MPO: variants seen among roughly 807,000 people sequenced by gnomAD.
The protein encoded by MPO is myeloperoxidase.
A neutral mutation model predicts 69.4 loss-of-function variants in MPO; 57 were observed. The observed-to-expected ratio is 0.82, with a 90% CI of 0.66 to 1.02. The LOEUF is 1.02. Ranked by LOEUF, MPO falls within the 50% of genes least tolerant of loss-of-function variation. The pLI is 0.00. For missense variants in MPO, 971 were observed against 1,014.1 expected, an observed-to-expected ratio of 0.96 and a Z score of 0.58; for synonymous variants, 426 against 417.1, an observed-to-expected ratio of 1.02 and a Z score of -0.26.
chr17:58,279,109 C>T lies in MPO; in HGVS notation c.784G>A (p.Asp262Asn). 6.2e-7 allele frequency: 1 copy of T among 1,612,964 alleles called. No homozygotes were observed. The highest frequency in any genetic ancestry group is 8.5e-7 in the Non-Finnish European group (1 of 1,179,556). Reference protein sequence around the residue: ...FMQWGQLLDHDLDFTPEPAAR... With the variant: ...FMQWGQLLDHNLDFTPEPAAR... ...GCCGGCTCAGGGGTGAAGTCGAGGT[C>T]GTGGTCCAACAGCTGGCCCCATTGC... The change falls in exon 6 of 12, where the codon GAC becomes AAC. Residue 262 changes from aspartate (D) to asparagine (N), a missense_variant. Physicochemically the swap from Asp to Asn is conservative, Grantham distance 23. Coordinates refer to ENST00000225275, the MANE Select transcript of MPO (RefSeq NM_000250.2).
At position 58,278,092 on chromosome 17, in the gene MPO, G is replaced by A. The variant is rs755430327; in HGVS notation, c.939C>T (p.Phe313=). ...IKNQADCIPF[F]RSCPACPGSN... is the part of the protein sequence containing the mutation. ...TCCCGGGGCAAGCCGGGCAGGAGCG[G>A]AAGAACGGGATGCAGTCGGCTTGGT... is the stretch of plus-strand genomic sequence containing the variant. Residue 313 remains phenylalanine, a synonymous_variant, in exon 7 of 12, where the codon TTC becomes TTT. Transcript: ENST00000225275. 3.1e-6 allele frequency: 5 copies of A among 1,608,962 alleles called. No homozygotes were observed. Among genetic ancestry groups the A allele is most frequent in the Admixed American group, 1.7e-5 (1 of 60,026 alleles).
Position 58,279,575 on chromosome 17 carries a change from T to A in MPO, c.496A>T (p.Thr166Ser), listed in dbSNP as rs1171273535. 9.3e-6 allele frequency: 15 copies of A among 1,614,140 alleles called. No homozygotes were observed. The highest frequency in any genetic ancestry group is 1.3e-5 in the Non-Finnish European group (15 of 1,180,042). The change falls in exon 4 of 12, where the codon ACT becomes TCT. Residue 166 changes from threonine (T) to serine (S), a missense_variant. Coordinates refer to ENST00000225275, the MANE Select transcript of MPO (RefSeq NM_000250.2). ...CGGTATTTGTCCTGCTCCGGGCAAG[T>A]CACCCCCACGTCCTGGTAGGCGCAG... ...SGCAYQDVGV[T>S]CPEQDKYRTI...
In MPO at chr17:58,278,813, G is replaced by C. The variant is rs1970472797; in HGVS notation, c.885+195C>G. 4.0e-5 allele frequency: 28 copies of C among 693,784 alleles called. 1 individual carries two copies. The South Asian group carries it at 4.9e-4, about 12-fold the overall frequency. The allele number at this position is 693,784 out of a possible 1,614,324, so 43.0% of individuals were successfully genotyped here. ...GGCAGTGAGCAAATGGACGGCCCTG[G>C]CTGCCAGCTGGCTGAGCCCAGGCGC... On this transcript the variant is annotated intron_variant, in intron 6 of 11. Coordinates refer to ENST00000225275, the MANE Select transcript of MPO (RefSeq NM_000250.2).
intron 6 of MPO, 195 bp downstream of exon 6, chr17:58,278,813 G>A (rs1970472797): frequency 4.3e-6 from 3 of 693,902 alleles, no homozygotes; most frequent in Non-Finnish European, 7.4e-6. Flanking sequence ...GACGGCCCTG[G>A]CTGCCAGCTG....
chr17:58,273,389 C>A (rs746472342), intron 9 of MPO, 25 bp downstream of exon 9: 23 of 1,613,950 alleles, frequency 1.4e-5, no homozygotes, highest in Non-Finnish European at 1.9e-5. Flanking sequence ...TCAGCCCACT[C>A]GCTCCTGGCC....
Position 58,279,468 on chromosome 17 carries a change from C to A in MPO, c.549-42G>T, listed in dbSNP as rs200900260. 2.4e-4 allele frequency: 379 copies of A among 1,611,998 alleles called. 1 individual carries two copies. In the African/African-American group the frequency reaches 4.9e-3, roughly 21 times the overall value. On this transcript the variant is annotated intron_variant, in intron 4 of 11. Coordinates refer to ENST00000225275, the MANE Select transcript of MPO (RefSeq NM_000250.2). The stretch of plus-strand genomic sequence containing the variant: ...GGCGCTGACACCGGGAGGCTTGTGG[C>A]GTCCGGGACGCCTCTCTGAGCCCGG...
Position 58,280,142 on chromosome 17 carries a change from T to TA in MPO, c.249-129dup, listed in dbSNP as rs2036793699. 3 of 1,262,478 alleles carry TA rather than the reference T, an allele frequency of 2.4e-6. No homozygotes were observed. In the African/African-American group the frequency reaches 4.4e-5, roughly 19 times the overall value. The allele number at this position is 1,262,478 out of a possible 1,614,324, so 78.2% of individuals were successfully genotyped here. On this transcript the variant is annotated intron_variant, in intron 2 of 11. Coordinates refer to ENST00000225275, the MANE Select transcript of MPO (RefSeq NM_000250.2). ...CGGGTGGGAGGAAGGCTTCCTTTTA[T>TA]AAAAAGGATATGGACCTGGGTGTCC...
chr17:58,271,574 A>G, intron 11 of MPO, 81 bp downstream of exon 11: 1 of 1,388,622 alleles, frequency 7.2e-7, no homozygotes, highest in Non-Finnish European at 1.0e-6. Flanking sequence ...CCTTCAACTG[A>G]CAGGAGGAAA....
intron 6 of MPO, among the ~76,000 whole-genome samples, chr17:58,278,557 C>T (rs1034201065): frequency 2.6e-5 from 4 of 152,180 alleles, no homozygotes; most frequent in Admixed American, 6.5e-5. Context: ...TGCCCACTCC[C>T]AGCCCTGTCC....
At chr17:58,273,739 G>A (rs1970399678) in intron 8 of MPO, 70 bp from the exon 9 acceptor site, 2 of 1,610,064 alleles carry the variant, frequency 1.2e-6, no homozygotes, top group African/African-American at 1.3e-5. Context: ...GGCAGCACAG[G>A]AGGGCCAGAG....
At position 58,272,740 on chromosome 17, in the gene MPO, C is replaced by G. The variant is rs1970382807; in HGVS notation, c.1792+8G>C. ...TGAGCATCAGGGGAGACTCCTGCAG[C>G]CCCTCACCTGGGAGGCCGTGGTCCC... On this transcript the variant is annotated splice_region_variant and intron_variant, in intron 10 of 11. Coordinates refer to ENST00000225275, the MANE Select transcript of MPO (RefSeq NM_000250.2). 2 of 1,612,936 alleles carry G rather than the reference C, an allele frequency of 1.2e-6. No individual in the cohort carries two copies. Among genetic ancestry groups the G allele is most frequent in the Non-Finnish European group, 1.7e-6 (2 of 1,179,626 alleles).
rs745917861 is a variant in MPO, at chr17:58,272,931, G to A, written c.1622-13C>T. ...GGGTCAATGCCACCTGGGGACCAGA[G>A]GAGCCAGGTCAGGGGAAGTATCTGG... On this transcript the variant is annotated splice_polypyrimidine_tract_variant and intron_variant, in intron 9 of 11. Transcript: ENST00000225275. The A allele has an allele frequency of 6.2e-7, 1 of 1,613,814 alleles. No homozygotes were observed. Among genetic ancestry groups the A allele is most frequent in the Non-Finnish European group, 8.5e-7 (1 of 1,180,012 alleles).
chr17:58,277,908 C>A lies in MPO; in HGVS notation c.1123G>T (p.Ala375Ser), dbSNP rs772438389. 5.6e-6 allele frequency: 9 copies of A among 1,611,800 alleles called. No homozygotes were observed. The highest frequency in any genetic ancestry group is 6.8e-6 in the Non-Finnish European group (8 of 1,180,036). The change falls in exon 7 of 12, where the codon GCC (alanine) becomes TCC (serine). Residue 375 changes from alanine (A) to serine (S), a missense_variant. By Grantham distance (99) the Ala-to-Ser change is moderately conservative. Coordinates refer to ENST00000225275, the MANE Select transcript of MPO (RefSeq NM_000250.2). Reference sequence around the variant, plus strand: ...TGCAGGTTGTCAAAGGGCAGCAGGGCCCGGCCGTTGTCTTGGAAGCGCTGG... The same window carrying A: ...TGCAGGTTGTCAAAGGGCAGCAGGGACCGGCCGTTGTCTTGGAAGCGCTGG... ...VNQRFQDNGR[A>S]LLPFDNLHDD...
rs754224425 is a variant in MPO, at chr17:58,280,415, C to T, written c.199G>A (p.Glu67Lys). The change falls in exon 2 of 12, where the codon GAG (glutamate) becomes AAG (lysine). Residue 67 changes from glutamate to lysine, a missense_variant. Coordinates refer to ENST00000225275, the MANE Select transcript of MPO (RefSeq NM_000250.2). ...VDTSLVLSSM[E>K]EAKQLVDKAY... Reference sequence around the variant, plus strand: ...TTGTCCACCAGCTGCTTGGCCTCCTCCATGGAGCTCAGCACCAACGAGGTG... The same window carrying T: ...TTGTCCACCAGCTGCTTGGCCTCCTTCATGGAGCTCAGCACCAACGAGGTG... 4 of 1,614,032 alleles carry T rather than the reference C, an allele frequency of 2.5e-6. No individual in the cohort carries two copies. Among genetic ancestry groups the T allele is most frequent in the Non-Finnish European group, 3.4e-6 (4 of 1,180,026 alleles).
rs774984207 is a variant in MPO, at chr17:58,272,757, C to T, written c.1783G>A (p.Gly595Ser). ...ALNMQRSRDHGLPGYNAWRRF... is the reference protein window; with the variant it reads ...ALNMQRSRDHSLPGYNAWRRF... Reference sequence around the variant, plus strand: ...TCCTGCAGCCCCTCACCTGGGAGGCCGTGGTCCCTGCTGCGCTGCATGTTC... The same window carrying T: ...TCCTGCAGCCCCTCACCTGGGAGGCTGTGGTCCCTGCTGCGCTGCATGTTC... The change falls in exon 10 of 12, where the codon GGC becomes AGC. Residue 595 changes from glycine (G) to serine (S), a missense_variant. Transcript: ENST00000225275. The T allele has an allele frequency of 1.2e-5, 19 of 1,613,684 alleles. No individual in the cohort carries two copies. The highest frequency in any genetic ancestry group is 4.5e-5 in the East Asian group (2 of 44,898).
chr17:58,271,609 T>C (rs1970364840), intron 11 of MPO, 46 bp downstream of exon 11: 17 of 1,585,818 alleles, frequency 1.1e-5, no homozygotes, highest in Admixed American at 1.7e-5. Context: ...GAGTCAAGGA[T>C]GGGCCCACAG....
chr17:58,270,682 G>C lies in MPO; in HGVS notation c.2212C>G (p.Leu738Val). The C allele has an allele frequency of 1.2e-6, 2 of 1,613,490 alleles. No homozygotes were observed. The highest frequency in any genetic ancestry group is 1.1e-5 in the South Asian group (1 of 90,920). Residue 738 changes from leucine to valine, a missense_variant, in exon 12 of 12, where the codon CTG becomes GTG. Coordinates refer to ENST00000225275, the MANE Select transcript of MPO (RefSeq NM_000250.2). The surrounding 1 kb of genome is among the most constrained non-coding windows in gnomAD (Gnocchi z 4.1). ...VNCSTLPALNLASWREAS is the reference protein window; with the variant it reads ...VNCSTLPALNVASWREAS Reference sequence around the variant, plus strand: ...TAGGAGGCTTCCCTCCAGGAAGCCAGGTTCAATGCAGGAAGTGTACTGCAG... The same window carrying C: ...TAGGAGGCTTCCCTCCAGGAAGCCACGTTCAATGCAGGAAGTGTACTGCAG...
At chr17:58,278,927 C>G in intron 6 of MPO, 81 bp downstream of exon 6, 1 of 1,488,494 alleles carries the variant, frequency 6.7e-7, no homozygotes, top group South Asian at 1.2e-5. Context: ...GAAAGGAAAC[C>G]TGGGCACAGA....
intron 7 of MPO, among the ~76,000 whole-genome samples, chr17:58,276,615 T>G (rs1435740090): frequency 2.0e-5 from 3 of 152,222 alleles, no homozygotes; most frequent in Non-Finnish European, 4.4e-5. Context: ...AAAGCCAGGC[T>G]GTGGGCAGCT....
Sources: allele counts gnomAD v4.1 joint callset (sites outside exome capture counted in the v4.1 genomes callset), GRCh38; gene constraint gnomAD v4.1.1; non-coding constraint Gnocchi (gnomAD v3.1); transcripts MANE v1.5; gene names NCBI Gene and HGNC (gene_info 2026-07-23, HGNC 2026-07-21).